MUSK: variants seen among roughly 807,000 people sequenced by gnomAD.
MUSK encodes the protein muscle, skeletal receptor tyrosine-protein kinase.
Under a neutral mutation model 88.7 loss-of-function variants are expected in MUSK, and 55 were observed. That is an observed-to-expected ratio of 0.62 (90% confidence interval 0.50 to 0.78). The LOEUF is 0.78. Ranked by LOEUF, MUSK falls within the 30% of genes least tolerant of loss-of-function variation. The pLI is 0.00. For missense variants in MUSK, 1,015 were observed against 1,074.3 expected (o/e 0.94, Z 0.77); for synonymous variants, 387 against 391.9 (o/e 0.99, Z 0.15).
At chr9:110,746,802 G>C (rs564610805) in intron 6 of MUSK, among the ~76,000 whole-genome samples, 1 of 152,194 alleles carries the variant, frequency 6.6e-6, no homozygotes, top group African/African-American at 2.4e-5. Flanking sequence ...GTGACCTTGA[G>C]GTATTATGTA....
intron 1 of MUSK, among the ~76,000 whole-genome samples, chr9:110,671,389 A>T (rs547994529): frequency 1.3e-5 from 2 of 152,352 alleles, no homozygotes; most frequent in South Asian, 4.1e-4. Flanking sequence ...TAGATAATAT[A>T]CTTCTTCCTA....
chr9:110,748,015 C>T (rs999881030), intron 7 of MUSK: 2 of 695,754 alleles, frequency 2.9e-6, no homozygotes, highest in African/African-American at 3.5e-5. Flanking sequence ...AATACCTACC[C>T]AAGTGGTAGG....
chr9:110,731,038 A>G (rs2076956687), intron 5 of MUSK, among the ~76,000 whole-genome samples: 1 of 152,058 alleles, frequency 6.6e-6, no homozygotes, highest in African/African-American at 2.4e-5. Context: ...TGAGATACAC[A>G]TAACATATCC....
intron 1 of MUSK, among the ~76,000 whole-genome samples, chr9:110,681,010 ATATAATATATAT>A (rs2076104159): frequency 2.4e-5 from 1 of 41,104 alleles, no homozygotes; most frequent in African/African-American, 1.1e-4. Flanking sequence ...ATTATATTAT[ATATAATATATAT>A]TATATATTAT....
chr9:110,801,020 T>G lies in MUSK; in HGVS notation c.*32T>G. 1.9e-5 allele frequency: 28 copies of G among 1,440,502 alleles called. No individual in the cohort carries two copies. The highest frequency in any genetic ancestry group is 2.6e-5 in the Non-Finnish European group (28 of 1,083,702). 89.2% of individuals were successfully genotyped at this position (1,440,502 alleles called of 1,614,324 possible). ...AGACGTTCAAATAAAATGCTGCAGT[T>G]TCCTCTCAGACTCTGTGAGCCAGGG... On this transcript the variant is annotated 3_prime_UTR_variant, in exon 15 of 15. Coordinates refer to ENST00000374448, the MANE Select transcript of MUSK (RefSeq NM_005592.4).
At position 110,695,535 on chromosome 9, in the gene MUSK, G is replaced by C; in HGVS notation, c.486+5G>C. The C allele has an allele frequency of 1.9e-6, 3 of 1,548,484 alleles. No individual in the cohort carries two copies. Among genetic ancestry groups the C allele is most frequent in the Non-Finnish European group, 2.6e-6 (3 of 1,144,514 alleles). On this transcript the variant is annotated splice_donor_5th_base_variant and intron_variant, in intron 4 of 14. Transcript: ENST00000374448. Reference sequence around the variant, plus strand: ...AAGGGAGACAGCCCTCTCAGGGTAAGTGGTTATGATGTTAAAACACATATA... The same window carrying C: ...AAGGGAGACAGCCCTCTCAGGGTAACTGGTTATGATGTTAAAACACATATA...
At chr9:110,764,453 C>A (rs889182548) in intron 8 of MUSK, among the ~76,000 whole-genome samples, 3 of 152,132 alleles carry the variant, frequency 2.0e-5, no homozygotes, top group African/African-American at 7.2e-5. Flanking sequence ...CTGTGTCTTG[C>A]ATCTAGAATT....
chr9:110,762,295 GT>G (rs1176469804), intron 8 of MUSK, 87 bp downstream of exon 8: 4 of 1,060,516 alleles, frequency 3.8e-6, no homozygotes, highest in African/African-American at 1.6e-5. Flanking sequence ...AGAGGGTCTT[GT>G]GTTGCCCAGG....
At chr9:110,782,316 A>C (rs2077773624) in intron 11 of MUSK, among the ~76,000 whole-genome samples, 1 of 152,232 alleles carries the variant, frequency 6.6e-6, no homozygotes, top group Admixed American at 6.5e-5. Context: ...TCAAGGGAAG[A>C]TCAGATCAAA....
At chr9:110,689,738 TAA>T (rs2076277932) in intron 3 of MUSK, among the ~76,000 whole-genome samples, 2 of 16,284 alleles carry the variant, frequency 1.2e-4, no homozygotes, top group Non-Finnish European at 2.3e-4. Flanking sequence ...AGTTTATATA[TAA>T]TATTATATAT....
intron 9 of MUSK, among the ~76,000 whole-genome samples, chr9:110,769,723 A>G (rs1333928057): frequency 6.6e-6 from 1 of 152,188 alleles, no homozygotes; most frequent in African/African-American, 2.4e-5. Context: ...TAGCACGTGT[A>G]TAATAAACAG....
At chr9:110,767,644 A>G in intron 8 of MUSK, 176 bp from the exon 9 acceptor site, 1 of 698,814 alleles carries the variant, frequency 1.4e-6, no homozygotes, top group Non-Finnish European at 2.5e-6. Context: ...GCTAGAGATG[A>G]TATAATTGCA....
chr9:110,727,198 A>T (rs1373133088), intron 5 of MUSK, among the ~76,000 whole-genome samples: 3 of 152,030 alleles, frequency 2.0e-5, no homozygotes, highest in Admixed American at 1.3e-4. Context: ...AAGTTCAGAC[A>T]GTAGAATCTA....
chr9:110,697,682 T>A (rs1482330258), intron 5 of MUSK, among the ~76,000 whole-genome samples: 1 of 152,200 alleles, frequency 6.6e-6, no homozygotes, highest in Non-Finnish European at 1.5e-5. Context: ...ATTCCATTGA[T>A]TACTCACAAT....
intron 3 of MUSK, among the ~76,000 whole-genome samples, chr9:110,690,129 TATAA>T (rs1458795502): frequency 9.9e-6 from 1 of 100,904 alleles, no homozygotes; most frequent in Non-Finnish European, 1.8e-5. Flanking sequence ...ATTATATAAG[TATAA>T]ATATAGAAAT....
intron 6 of MUSK, among the ~76,000 whole-genome samples, chr9:110,738,942 G>T (rs545578791): frequency 2.0e-5 from 3 of 152,044 alleles, no homozygotes; most frequent in Non-Finnish European, 4.4e-5. Flanking sequence ...CTTTGTGTTG[G>T]GGTCTAATCA....
chr9:110,671,647 T>G (rs3001130), intron 1 of MUSK, among the ~76,000 whole-genome samples: 32,620 of 152,094 alleles, frequency 0.21, 4,169 homozygotes, highest in African/African-American at 0.34. Context: ...TTTCAACTAG[T>G]GATATTTTCA....
Position 110,760,864 on chromosome 9 carries a change from T to C in MUSK, c.914-1338T>C, listed in dbSNP as rs1256469365. 2.1e-4 allele frequency among the ~76,000 whole-genome samples: 32 copies of C among 152,154 alleles called. 1 individual carries two copies. Among genetic ancestry groups the C allele is most frequent in the Admixed American group, 2.0e-3 (30 of 15,284 alleles). ...GAGAATGATTAGAAATACAAGCTCATTGTATTTTAAGAAGATTGACCTCTC... is the reference window on the plus strand; with the variant it reads ...GAGAATGATTAGAAATACAAGCTCACTGTATTTTAAGAAGATTGACCTCTC... On this transcript the variant is annotated intron_variant, in intron 7 of 14. Coordinates refer to ENST00000374448, the MANE Select transcript of MUSK (RefSeq NM_005592.4).
At chr9:110,711,987 G>C (rs1196698081) in intron 5 of MUSK, among the ~76,000 whole-genome samples, 2 of 152,080 alleles carry the variant, frequency 1.3e-5, no homozygotes, top group African/African-American at 2.4e-5. Flanking sequence ...AATGAATTCT[G>C]TCCAGTGGAA....
Sources: allele counts gnomAD v4.1 joint callset (sites outside exome capture counted in the v4.1 genomes callset), GRCh38; gene constraint gnomAD v4.1.1; transcripts MANE v1.5; gene names NCBI Gene and HGNC (gene_info 2026-07-23, HGNC 2026-07-21).